DNAH17: variants seen among roughly 807,000 people sequenced by gnomAD.
DNAH17 encodes the protein axonemal beta dynein heavy chain 17.
A neutral mutation model predicts 485.6 loss-of-function variants in DNAH17; 376 were observed. The observed-to-expected ratio is 0.77, with a 90% CI of 0.71 to 0.84. The LOEUF (loss-of-function observed/expected upper bound fraction) is 0.84. Ranked by LOEUF, DNAH17 falls within the 40% of genes least tolerant of loss-of-function variation. The pLI, the probability that DNAH17 is intolerant of heterozygous loss-of-function variation, is 0.00. For missense variants in DNAH17, 6,370 were observed against 5,839.3 expected (o/e 1.09, Z -2.96); for synonymous variants, 3,031 against 2,405.9 (o/e 1.26, Z -7.60).
At position 78,527,358 on chromosome 17, in the gene DNAH17, C is replaced by A. The variant is rs2091106715; in HGVS notation, c.3508-362G>T. Among the ~76,000 whole-genome samples the A allele has an allele frequency of 2.0e-5, 3 of 152,148 alleles. No homozygotes were observed. The South Asian group carries it at 6.2e-4, about 32-fold the overall frequency. On this transcript the variant is annotated intron_variant, in intron 22 of 80. Coordinates refer to ENST00000389840, the MANE Select transcript of DNAH17 (RefSeq NM_173628.4). The stretch of plus-strand genomic sequence containing the variant: ...GCAAGATTGTACCACTGCACTCCAG[C>A]CTGGGTGACAGAGTGGGACCCTGTC...
intron 57 of DNAH17, 43 bp from the exon 58 acceptor site, chr17:78,461,751 C>G (rs758556377): frequency 2.5e-6 from 4 of 1,571,870 alleles, no homozygotes; most frequent in Non-Finnish European, 2.6e-6. Flanking sequence ...TGGGCCGCAG[C>G]CGACACACGC....
In DNAH17 at chr17:78,539,723, T is replaced by A. The variant is rs374252436; in HGVS notation, c.2676+14A>T. On this transcript the variant is annotated intron_variant, in intron 18 of 80. Coordinates refer to ENST00000389840, the MANE Select transcript of DNAH17 (RefSeq NM_173628.4). ...ACATATACATAAATATATTACCTTA[T>A]GTTGATAACTTACATCTATAACCAT... The A allele has an allele frequency of 6.3e-7, 1 of 1,595,610 alleles. No homozygotes were observed. Among genetic ancestry groups the A allele is most frequent in the African/African-American group, 1.3e-5 (1 of 74,308 alleles).
chr17:78,524,131 G>A (rs2091002356), intron 25 of DNAH17, among the ~76,000 whole-genome samples: 1 of 152,124 alleles, frequency 6.6e-6, no homozygotes, highest in South Asian at 2.1e-4. Context: ...TGTGATTTGT[G>A]CTCTTATTTA....
At chr17:78,521,433 G>A (rs1223688248) in intron 25 of DNAH17, among the ~76,000 whole-genome samples, 1 of 151,996 alleles carries the variant, frequency 6.6e-6, no homozygotes, top group African/African-American at 2.4e-5. Flanking sequence ...TTTTTTAATG[G>A]AGGGACCGAC....
intron 54 of DNAH17, among the ~76,000 whole-genome samples, chr17:78,472,308 G>GAGGGTT (rs138651278): frequency 5.4e-5 from 8 of 148,368 alleles, no homozygotes; most frequent in Admixed American, 2.0e-4. Flanking sequence ...GTGGGGGTGC[G>GAGGGTT]AGGGTTAGGG....
intron 16 of DNAH17, among the ~76,000 whole-genome samples, chr17:78,548,371 AT>A (rs1403489285): frequency 6.6e-6 from 1 of 151,702 alleles, no homozygotes; most frequent in Non-Finnish European, 1.5e-5. Context: ...CACCTGGCTA[AT>A]TTTTTGTATT....
intron 77 of DNAH17, among the ~76,000 whole-genome samples, chr17:78,427,560 C>G (rs1364781585): frequency 6.6e-6 from 1 of 152,198 alleles, no homozygotes; most frequent in Non-Finnish European, 1.5e-5. Context: ...TGATTTCAGT[C>G]ATTAGACTAA....
At position 78,450,760 on chromosome 17, in the gene DNAH17, C is replaced by A; in HGVS notation, c.10821G>T (p.Ser3607=). 8 of 1,614,022 alleles carry A rather than the reference C, an allele frequency of 5.0e-6. No homozygotes were observed. The highest frequency in any genetic ancestry group is 1.1e-5 in the South Asian group (1 of 91,084). ...DSLLARLSAA[S]GNFLGDTALV... is the part of the protein sequence containing the mutation. ...AGGCCGTGTCTCCCAGAAAGTTCCC[C>A]GACGCAGCCGACAGACGGGCCAGGA... Residue 3607 remains serine (S), a synonymous_variant, in exon 67 of 81, where the codon TCG becomes TCT. Transcript: ENST00000389840.
At chr17:78,475,860 C>A in intron 52 of DNAH17, 27 bp from the exon 53 acceptor site, 2 of 1,605,810 alleles carry the variant, frequency 1.2e-6, no homozygotes, top group Non-Finnish European at 1.7e-6. Context: ...AAAGACGATA[C>A]TTCCGGTTTT....
intron 48 of DNAH17, among the ~76,000 whole-genome samples, chr17:78,484,109 A>T: frequency 6.7e-6 from 1 of 150,070 alleles, no homozygotes; most frequent in South Asian, 2.1e-4. Context: ...AAAAAAAAAA[A>T]AAAAAAAAAA....
chr17:78,429,452 C>G lies in DNAH17; in HGVS notation c.12226-152G>C, dbSNP rs184452088. Among the ~76,000 whole-genome samples the G allele has an allele frequency of 7.3e-4, 111 of 152,356 alleles. 1 individual carries two copies. Among genetic ancestry groups the G allele is most frequent in the Admixed American group, 7.2e-4 (11 of 15,306 alleles). On this transcript the variant is annotated intron_variant, in intron 75 of 80. Coordinates refer to ENST00000389840, the MANE Select transcript of DNAH17 (RefSeq NM_173628.4). ...GGTCAGCCTCCTGGCCATTTACCTTCAGGGTCACCAGGCCCCAGGGCCACC... is the reference window on the plus strand; with the variant it reads ...GGTCAGCCTCCTGGCCATTTACCTTGAGGGTCACCAGGCCCCAGGGCCACC...
chr17:78,445,579 A>T lies in DNAH17; in HGVS notation c.11313T>A (p.His3771Gln). The change falls in exon 70 of 81, where the codon CAT becomes CAA. Residue 3771 changes from histidine to glutamine, a missense_variant. Coordinates refer to ENST00000389840, the MANE Select transcript of DNAH17 (RefSeq NM_173628.4). ...GVVSPVDFLQ[H>Q]QGWGGIKALS... is the part of the protein sequence containing the mutation. The stretch of plus-strand genomic sequence containing the variant: ...GAACCTTGATCCCGCCCCAGCCTTG[A>T]TGCTGGAGGAAGTCCACTGGTGAGA... 1 of 1,562,708 alleles carries T rather than the reference A, an allele frequency of 6.4e-7. No homozygotes were observed. Among genetic ancestry groups the T allele is most frequent in the Non-Finnish European group, 8.7e-7 (1 of 1,153,020 alleles).
Position 78,533,771 on chromosome 17 carries a change from G to A in DNAH17, c.2860-1035C>T, listed in dbSNP as rs1320495007. 3.3e-5 allele frequency among the ~76,000 whole-genome samples: 5 copies of A among 152,078 alleles called. No homozygotes were observed. In the East Asian group the frequency reaches 9.6e-4, roughly 29 times the overall value. ...CCGATCTCAGCTCACTACACCCTCT[G>A]CCTCCCAGGTTCAAGTGATTCTCCT... is the stretch of plus-strand genomic sequence containing the variant. On this transcript the variant is annotated intron_variant, in intron 19 of 80. Transcript: ENST00000389840.
chr17:78,424,535 A>G (rs1406018465), intron 80 of DNAH17: 1 of 196,302 alleles, frequency 5.1e-6, no homozygotes, highest in African/African-American at 2.3e-5. Flanking sequence ...CATACACAAT[A>G]TAATTATACA....
chr17:78,552,213 C>A (rs907529234), intron 15 of DNAH17, among the ~76,000 whole-genome samples: 3 of 152,214 alleles, frequency 2.0e-5, no homozygotes, highest in Non-Finnish European at 4.4e-5. Flanking sequence ...TAAAGGGTTC[C>A]ACCTCTGGGA....
intron 65 of DNAH17, among the ~76,000 whole-genome samples, chr17:78,451,931 C>G (rs766845238): frequency 1.1e-4 from 16 of 151,946 alleles, no homozygotes; most frequent in Non-Finnish European, 1.9e-4. Flanking sequence ...ACCCCTCTGG[C>G]GATACTCTGT....
chr17:78,482,491 T>G (rs979660540), intron 48 of DNAH17, among the ~76,000 whole-genome samples: 2 of 152,228 alleles, frequency 1.3e-5, no homozygotes, highest in Admixed American at 6.5e-5. Flanking sequence ...CCATGGTGTC[T>G]CTCACTGAGC....
At chr17:78,477,990 T>A in intron 51 of DNAH17, among the ~76,000 whole-genome samples, 1 of 105,872 alleles carries the variant, frequency 9.4e-6, no homozygotes, top group African/African-American at 4.9e-5. Flanking sequence ...ATCACCACCA[T>A]CACCACCACC....
intron 2 of DNAH17, among the ~76,000 whole-genome samples, chr17:78,574,322 G>A (rs2092403000): frequency 6.6e-6 from 1 of 151,984 alleles, no homozygotes; most frequent in South Asian, 2.1e-4. Context: ...ATTTTTTGGT[G>A]AGACCTCATC....
Sources: allele counts gnomAD v4.1 joint callset (sites outside exome capture counted in the v4.1 genomes callset), GRCh38; gene constraint gnomAD v4.1.1; transcripts MANE v1.5; gene names NCBI Gene and HGNC (gene_info 2026-07-23, HGNC 2026-07-21).